Variants in TENM2 observed in about 807,000 individuals in gnomAD.
TENM2 encodes teneurin transmembrane protein 2.
Under a neutral mutation model 245.2 loss-of-function variants are expected in TENM2, and 52 were observed. That is an observed-to-expected ratio of 0.21 (90% CI 0.17 to 0.27). The LOEUF (loss-of-function observed/expected upper bound fraction) is 0.27. Among genes scored for constraint, TENM2 ranks in the 10% least tolerant of loss-of-function variants. TENM2 has a pLI of 1.00. For missense variants in TENM2, 3,046 were observed against 3,666.8 expected (o/e 0.83, Z 4.37); for synonymous variants, 1,363 against 1,438.9 (o/e 0.95, Z 1.19).
chr5:167,152,007 T>C, the TENM2 span, among the ~76,000 whole-genome samples: 3 of 152,160 alleles, frequency 2.0e-5, no homozygotes, highest in Non-Finnish European at 4.4e-5. Context: ...TGCCTAGTAG[T>C]TAAGCCAGTG....
chr5:167,380,758 A>G (rs1460720033), intron 2 of TENM2, among the ~76,000 whole-genome samples: 1 of 152,164 alleles, frequency 6.6e-6, no homozygotes, highest in African/African-American at 2.4e-5. Context: ...AGTTCCTGAT[A>G]TCAGTACTTT....
chr5:167,495,685 G>A (rs1290359385), intron 2 of TENM2, among the ~76,000 whole-genome samples: 1 of 152,014 alleles, frequency 6.6e-6, no homozygotes, highest in Non-Finnish European at 1.5e-5. Flanking sequence ...TAGAGGACCA[G>A]TATCTCTGCA....
At chr5:167,268,932 AGAC>A in the TENM2 span, among the ~76,000 whole-genome samples, 6 of 144,982 alleles carry the variant, frequency 4.1e-5, no homozygotes, top group South Asian at 2.2e-4. Flanking sequence ...ATAGATAGAC[AGAC>A]ATTTTTTTTT....
chr5:167,362,955 G>A (rs760877477), intron 1 of TENM2, among the ~76,000 whole-genome samples: 6 of 152,048 alleles, frequency 3.9e-5, no homozygotes, highest in Non-Finnish European at 8.8e-5. Context: ...ACCTACACAC[G>A]TATTTATTGC....
the TENM2 span, among the ~76,000 whole-genome samples, chr5:167,258,358 C>T: frequency 1.3e-5 from 2 of 151,740 alleles, no homozygotes; most frequent in African/African-American, 4.8e-5. Flanking sequence ...TCCTATGTAA[C>T]AAAATGTCCA....
intron 27 of TENM2, among the ~76,000 whole-genome samples, chr5:168,252,881 C>G (rs999080302): frequency 1.3e-5 from 2 of 151,880 alleles, no homozygotes; most frequent in African/African-American, 4.8e-5. Flanking sequence ...AGAAAAGAGG[C>G]ACTACTTCTA....
At chr5:168,117,611 G>C (rs1486682144) in intron 9 of TENM2, among the ~76,000 whole-genome samples, 2 of 152,172 alleles carry the variant, frequency 1.3e-5, no homozygotes, top group Non-Finnish European at 2.9e-5. Flanking sequence ...CCTATTTTCA[G>C]ACAGCAGTTG....
At chr5:168,147,213 A>G (rs915124192) in intron 12 of TENM2, among the ~76,000 whole-genome samples, 5 of 152,368 alleles carry the variant, frequency 3.3e-5, no homozygotes, top group African/African-American at 1.2e-4. Flanking sequence ...TAACTCTGCC[A>G]TGACTAGATT....
the TENM2 span, among the ~76,000 whole-genome samples, chr5:167,186,800 G>T: frequency 6.6e-6 from 1 of 152,210 alleles, no homozygotes; most frequent in Non-Finnish European, 1.5e-5. Flanking sequence ...AAGTCCAATT[G>T]TGTGAATAGG....
chr5:168,082,347 G>C (rs1792080854), intron 7 of TENM2, among the ~76,000 whole-genome samples: 1 of 152,048 alleles, frequency 6.6e-6, no homozygotes, highest in South Asian at 2.1e-4. Flanking sequence ...TTTTTTCAAG[G>C]TTTTTAGCTT....
intron 3 of TENM2, among the ~76,000 whole-genome samples, chr5:167,920,382 G>A (rs1777271585): frequency 6.6e-6 from 1 of 151,094 alleles, no homozygotes; most frequent in Admixed American, 6.6e-5. Context: ...GCTGGGCATA[G>A]TGGCGGGCAC....
chr5:168,198,223 T>G (rs1761628415), intron 15 of TENM2, among the ~76,000 whole-genome samples: 1 of 128,162 alleles, frequency 7.8e-6, no homozygotes. Context: ...TGAGACAGAG[T>G]CTCACTCTAT....
At position 168,055,093 on chromosome 5, in the gene TENM2, A is replaced by G. The variant is rs1789424306; in HGVS notation, c.1310-6967A>G. ...CCTAGAACCCAAGGATACCAGTGAG[A>G]TCCTCACAGAATGATTACAGGATGC... is the stretch of plus-strand genomic sequence containing the variant. On this transcript the variant is annotated intron_variant, in intron 6 of 28. Transcript: ENST00000518659. Among the ~76,000 whole-genome samples the G allele has an allele frequency of 1.3e-5, 2 of 152,136 alleles. 1 individual carries two copies. Among genetic ancestry groups the G allele is most frequent in the South Asian group, 4.1e-4 (2 of 4,822 alleles).
chr5:168,238,614 TG>T (rs775633114), intron 25 of TENM2, among the ~76,000 whole-genome samples: 16 of 152,216 alleles, frequency 1.1e-4, no homozygotes, highest in Non-Finnish European at 1.8e-4. Flanking sequence ...CTCCCGTCAT[TG>T]CGCCTGGAGC....
chr5:167,041,208 A>G, the TENM2 span, among the ~76,000 whole-genome samples: 2 of 152,242 alleles, frequency 1.3e-5, no homozygotes, highest in African/African-American at 2.4e-5. Context: ...TCCAGGTACT[A>G]CACAGTAATA....
chr5:167,205,522 A>G, the TENM2 span, among the ~76,000 whole-genome samples: 1 of 152,172 alleles, frequency 6.6e-6, no homozygotes, highest in African/African-American at 2.4e-5. Flanking sequence ...CTGTATATAT[A>G]CTCTTCATTT....
chr5:168,126,991 A>T, intron 12 of TENM2, 25 bp downstream of exon 14: 3 of 1,566,940 alleles, frequency 1.9e-6, no homozygotes, highest in Non-Finnish European at 2.6e-6. Context: ...ATTTTCATAA[A>T]TTGTAGATCT....
At position 168,089,880 on chromosome 5, in the gene TENM2, C is replaced by T. The variant is rs1379972844; in HGVS notation, c.1516-694C>T. Among the ~76,000 whole-genome samples, 5 of 152,218 alleles carry T rather than the reference C, an allele frequency of 3.3e-5. No individual in the cohort carries two copies. In the East Asian group the frequency reaches 9.6e-4, roughly 29 times the overall value. ...GCACTGTCTAAATATTATCTGAATCCTCACAACAACCCCATAACATAGATA... is the reference window on the plus strand; with the variant it reads ...GCACTGTCTAAATATTATCTGAATCTTCACAACAACCCCATAACATAGATA... On this transcript the variant is annotated intron_variant, in intron 7 of 28. Transcript: ENST00000518659.
chr5:167,184,946 G>T, the TENM2 span, among the ~76,000 whole-genome samples: 1 of 152,110 alleles, frequency 6.6e-6, no homozygotes, highest in Non-Finnish European at 1.5e-5. Context: ...TCGATCCCTC[G>T]CATGTGCAGT....
Sources: gnomAD v4.1 joint callset for allele counts (sites outside exome capture counted in the v4.1 genomes callset) on GRCh38, gnomAD v4.1.1 for gene constraint, MANE v1.5 for transcripts, NCBI Gene and HGNC (gene_info 2026-07-23, HGNC 2026-07-21) for gene names.